Variants in FAAH2 observed in about 807,000 individuals in gnomAD.
FAAH2 encodes the protein fatty acid amide hydrolase 2.
A neutral mutation model predicts 36.9 loss-of-function variants in FAAH2; 60 were observed. That is an observed-to-expected ratio of 1.63 (90% CI 1.32 to 2.02). FAAH2 has a LOEUF of 2.02. Ranked by LOEUF, FAAH2 falls within the 30% of genes most tolerant of loss-of-function variation. FAAH2 has a pLI of 0.00. For missense variants in FAAH2, 689 were observed against 397.5 expected (o/e 1.73, Z -6.23); for synonymous variants, 214 against 143.8 (o/e 1.49, Z -3.49).
chrX:57,166,476 C>G, the FAAH2 span, among the ~76,000 whole-genome samples: 1 of 112,019 alleles, frequency 8.9e-6, no homozygotes, highest in Non-Finnish European at 1.9e-5. Flanking sequence ...CATGCTCCCC[C>G]TAAGGGTATA....
chrX:57,182,785 A>C, the FAAH2 span, among the ~76,000 whole-genome samples: 1 of 111,873 alleles, frequency 8.9e-6, no homozygotes, highest in Non-Finnish European at 1.9e-5. Context: ...AAGACATGAA[A>C]TCAATGTAAT....
chrX:57,444,102 A>G (rs1025770609), intron 8 of FAAH2, among the ~76,000 whole-genome samples: 20 of 111,592 alleles, frequency 1.8e-4, no homozygotes, highest in Non-Finnish European at 3.6e-4. Context: ...CAGATCTCAA[A>G]CTGCATGCTG....
chrX:57,224,999 AT>A, the FAAH2 span, among the ~76,000 whole-genome samples: 1 of 111,853 alleles, frequency 8.9e-6, no homozygotes, highest in African/African-American at 3.2e-5. Context: ...CTCCTGTTTC[AT>A]TTCTCTGTGA....
the FAAH2 span, among the ~76,000 whole-genome samples, chrX:57,128,651 C>T: frequency 9.0e-6 from 1 of 111,345 alleles, no homozygotes; most frequent in Admixed American, 9.5e-5. Flanking sequence ...ACTGGCAATA[C>T]AGGAAAAAGG....
chrX:57,387,313 A>T (rs1039850915), intron 7 of FAAH2, among the ~76,000 whole-genome samples: 29 of 111,620 alleles, frequency 2.6e-4, no homozygotes, highest in African/African-American at 9.1e-4. Flanking sequence ...AGACAAATCA[A>T]TAATTATTTA....
At chrX:57,447,405 C>T (rs2056697292) in intron 9 of FAAH2, among the ~76,000 whole-genome samples, 1 of 111,820 alleles carries the variant, frequency 8.9e-6, no homozygotes, top group African/African-American at 3.3e-5. Context: ...CACAGCTCCA[C>T]TAGGCAGTGC....
At chrX:57,484,918 G>C (rs950085076) in intron 10 of FAAH2, among the ~76,000 whole-genome samples, 1 of 111,279 alleles carries the variant, frequency 9.0e-6, no homozygotes, top group Non-Finnish European at 1.9e-5. Context: ...TGTGTAATGG[G>C]GAGAGTTGGG....
At chrX:57,451,735 A>T (rs904149800) in intron 10 of FAAH2, among the ~76,000 whole-genome samples, 1 of 111,668 alleles carries the variant, frequency 9.0e-6, no homozygotes, top group Non-Finnish European at 1.9e-5. Flanking sequence ...GAGGAGGAGC[A>T]TGAGTTTGAA....
In FAAH2 at chrX:57,466,229, G is replaced by A. The variant is rs1337078832; in HGVS notation, c.1423+17511G>A. Among the ~76,000 whole-genome samples the A allele has an allele frequency of 4.9e-5, 5 of 102,204 alleles. No homozygotes were observed. The East Asian group carries it at 9.1e-4, about 19-fold the overall frequency. 88.8% of individuals were successfully genotyped at this position (102,204 alleles called of 115,157 possible). Reference sequence around the variant, plus strand: ...ACTATAATAACACAGAAAAGGATTAGAGAATGCAGCTATTTTGCTGCAAAC... The same window carrying A: ...ACTATAATAACACAGAAAAGGATTAAAGAATGCAGCTATTTTGCTGCAAAC... On this transcript the variant is annotated intron_variant, in intron 10 of 10. Transcript: ENST00000374900.
chrX:57,162,240 T>G, the FAAH2 span, among the ~76,000 whole-genome samples: 1 of 112,215 alleles, frequency 8.9e-6, no homozygotes, highest in Non-Finnish European at 1.9e-5. Context: ...GCTGTTAGTC[T>G]GATGGGCTTC....
At position 57,362,141 on chromosome X, in the gene FAAH2, G is replaced by A. The variant is rs773767164; in HGVS notation, c.743-16510G>A. Among the ~76,000 whole-genome samples the A allele has an allele frequency of 3.6e-5, 4 of 110,795 alleles. No homozygotes were observed. The East Asian group carries it at 1.1e-3, about 31-fold the overall frequency. On this transcript the variant is annotated intron_variant, in intron 5 of 10. Coordinates refer to ENST00000374900, the MANE Select transcript of FAAH2 (RefSeq NM_174912.4). Reference sequence around the variant, plus strand: ...AAGAACAGGGGATAAAGAAAATGTGGCACATATACATCATGGAATACTATG... The same window carrying A: ...AAGAACAGGGGATAAAGAAAATGTGACACATATACATCATGGAATACTATG...
upstream of FAAH2, among the ~76,000 whole-genome samples, chrX:57,285,440 G>A (rs1183729942): frequency 8.9e-6 from 1 of 112,047 alleles, no homozygotes; most frequent in Non-Finnish European, 1.9e-5. Flanking sequence ...CCTGTTCTTC[G>A]AGGAGTTTAT....
At chrX:57,253,170 T>C in the FAAH2 span, among the ~76,000 whole-genome samples, 1 of 110,371 alleles carries the variant, frequency 9.1e-6, no homozygotes, top group Non-Finnish European at 1.9e-5. Flanking sequence ...ATATCAGTGA[T>C]TGAAGATCAA....
the FAAH2 span, among the ~76,000 whole-genome samples, chrX:57,238,980 A>C: frequency 8.9e-6 from 1 of 112,410 alleles, no homozygotes; most frequent in Non-Finnish European, 1.9e-5. Flanking sequence ...TTTTCTAAAA[A>C]AATTACTTCC....
At chrX:57,204,361 A>T in the FAAH2 span, among the ~76,000 whole-genome samples, 1 of 111,673 alleles carries the variant, frequency 9.0e-6, no homozygotes, top group Middle Eastern at 4.6e-3. Flanking sequence ...AAATATACCC[A>T]ATAAGTATAA....
intron 5 of FAAH2, among the ~76,000 whole-genome samples, chrX:57,344,186 T>C (rs1018962698): frequency 9.0e-6 from 1 of 110,622 alleles, no homozygotes; most frequent in African/African-American, 3.3e-5. Context: ...ATTGAATATG[T>C]AAATTACTTT....
At chrX:57,333,513 T>C (rs898592285) in intron 4 of FAAH2, among the ~76,000 whole-genome samples, 4 of 110,575 alleles carry the variant, frequency 3.6e-5, no homozygotes, top group Non-Finnish European at 7.6e-5. Flanking sequence ...AGGGCTATAA[T>C]GGAAAAACTG....
At chrX:57,290,721 G>C (rs2051952139) in intron 1 of FAAH2, among the ~76,000 whole-genome samples, 1 of 110,555 alleles carries the variant, frequency 9.0e-6, no homozygotes, top group Non-Finnish European at 1.9e-5. Flanking sequence ...TAAAAAAATT[G>C]CTTTATTTTT....
intron 5 of FAAH2, among the ~76,000 whole-genome samples, chrX:57,344,406 A>G (rs915307562): frequency 9.0e-6 from 1 of 111,243 alleles, no homozygotes; most frequent in Non-Finnish European, 1.9e-5. Context: ...GCTTACCAAG[A>G]ATATTATTGA....
Sources: gnomAD v4.1 joint callset for allele counts (sites outside exome capture counted in the v4.1 genomes callset) on GRCh38, gnomAD v4.1.1 for gene constraint, MANE v1.5 for transcripts, NCBI Gene and HGNC (gene_info 2026-07-23, HGNC 2026-07-21) for gene names.